DCAF5: variants seen among roughly 807,000 people sequenced by gnomAD.
The protein encoded by DCAF5 is DDB1 and CUL4 associated factor 5, also known as DDB1- and CUL4-associated factor 5.
Under a neutral mutation model 80.7 loss-of-function variants are expected in DCAF5, and 9 were observed. That is an observed-to-expected ratio of 0.11 (90% CI 0.07 to 0.19). The LOEUF (loss-of-function observed/expected upper bound fraction) is 0.19, where lower values mean the gene tolerates loss of function less well. Ranked by LOEUF, DCAF5 falls within the 10% of genes least tolerant of loss-of-function variation. The pLI, the probability that DCAF5 is intolerant of heterozygous loss-of-function variation, is 1.00. For synonymous variants in DCAF5, 433 were observed against 461.9 expected, an observed-to-expected ratio of 0.94 and a Z score of 0.80; for missense variants, 842 against 1,205.7, an observed-to-expected ratio of 0.70 and a Z score of 4.47.
chr14:69,104,468 T>C (rs2040064142), intron 5 of DCAF5, among the ~76,000 whole-genome samples: 1 of 152,138 alleles, frequency 6.6e-6, no homozygotes, highest in Non-Finnish European at 1.5e-5. Context: ...ATATGCTAAA[T>C]TACAGTAGAA....
At chr14:69,056,507 G>A (rs1362365933) in intron 8 of DCAF5, among the ~76,000 whole-genome samples, 2 of 152,214 alleles carry the variant, frequency 1.3e-5, no homozygotes, top group East Asian at 1.9e-4. Flanking sequence ...CACTGCAAAC[G>A]AGAACGATTA....
intron 5 of DCAF5, among the ~76,000 whole-genome samples, chr14:69,115,352 C>T (rs2040509025): frequency 6.6e-6 from 1 of 152,170 alleles, no homozygotes; most frequent in South Asian, 2.1e-4. Context: ...TACAATAGTT[C>T]CAACCATCTC....
intron 1 of DCAF5, chr14:69,149,544 C>A (rs1206155818): frequency 2.0e-5 from 3 of 152,180 alleles, no homozygotes; most frequent in Non-Finnish European, 4.4e-5. Context: ...ACTAATAGTA[C>A]TTTACCCAGC....
At chr14:69,112,730 ATTAT>A (rs1438775851) in intron 5 of DCAF5, among the ~76,000 whole-genome samples, 1 of 152,146 alleles carries the variant, frequency 6.6e-6, no homozygotes. Flanking sequence ...AAATGAGGTA[ATTAT>A]TCATATGATG....
chr14:69,084,391 C>G, intron 6 of DCAF5: 1 of 910,104 alleles, frequency 1.1e-6, no homozygotes, highest in South Asian at 1.3e-5. Context: ...CTGATCGTAT[C>G]TTGGATGTTG....
intron 1 of DCAF5, among the ~76,000 whole-genome samples, chr14:69,128,654 G>T (rs1595047038): frequency 6.6e-6 from 1 of 152,176 alleles, no homozygotes; most frequent in Non-Finnish European, 1.5e-5. Flanking sequence ...TGTAGTCCCA[G>T]CTACTGGGGA....
chr14:69,125,326 C>T (rs1172460506), intron 1 of DCAF5, among the ~76,000 whole-genome samples: 1 of 152,104 alleles, frequency 6.6e-6, no homozygotes, highest in African/African-American at 2.4e-5. Context: ...GCAAACTGGC[C>T]CCTGGAGTAA....
intron 6 of DCAF5, among the ~76,000 whole-genome samples, chr14:69,082,347 G>A (rs912659407): frequency 6.6e-6 from 1 of 152,224 alleles, no homozygotes; most frequent in African/African-American, 2.4e-5. Flanking sequence ...ATTTTTGCAA[G>A]TGAAGTTACA....
chr14:69,102,358 C>T (rs867120256), intron 5 of DCAF5, among the ~76,000 whole-genome samples: 1 of 152,018 alleles, frequency 6.6e-6, no homozygotes, highest in South Asian at 2.1e-4. Context: ...ATCCCTGCCT[C>T]AGCCTCCCAA....
intron 1 of DCAF5, among the ~76,000 whole-genome samples, chr14:69,139,194 A>G (rs1316988813): frequency 6.6e-6 from 1 of 151,914 alleles, no homozygotes; most frequent in Non-Finnish European, 1.5e-5. Context: ...AGAAAAAAAG[A>G]AAGACAGTCT....
intron 1 of DCAF5, among the ~76,000 whole-genome samples, chr14:69,133,116 T>C (rs1423735119): frequency 1.3e-5 from 2 of 152,204 alleles, no homozygotes; most frequent in East Asian, 1.9e-4. Flanking sequence ...GGGTCTTATA[T>C]GTAGTGGCTC....
chr14:69,152,444 G>A lies in DCAF5; in HGVS notation c.214+321C>T, dbSNP rs2041736553. 1.5e-5 allele frequency: 4 copies of A among 263,106 alleles called. No homozygotes were observed. The allele number at this position is 263,106 out of a possible 1,614,324, so 16.3% of individuals were successfully genotyped here. The stretch of plus-strand genomic sequence containing the variant: ...AAAGTACGCGGAGGAAGAGTTTGCC[G>A]TCAAACTTTGTAGAGCGGTAACCTC... On this transcript the variant is annotated intron_variant, in intron 1 of 8. Transcript: ENST00000341516. The surrounding 1 kb of genome is among the most constrained non-coding windows in gnomAD (Gnocchi z 4.1).
intron 7 of DCAF5, among the ~76,000 whole-genome samples, chr14:69,063,083 G>T (rs1239136635): frequency 6.6e-6 from 1 of 152,154 alleles, no homozygotes; most frequent in Non-Finnish European, 1.5e-5. Context: ...GGAGAACTAA[G>T]GATATAGAAA....
chr14:69,080,237 A>G (rs2039051022), intron 6 of DCAF5, among the ~76,000 whole-genome samples: 1 of 152,166 alleles, frequency 6.6e-6, no homozygotes, highest in African/African-American at 2.4e-5. Flanking sequence ...TGAAAGGATC[A>G]TCCCCTCCTG....
chr14:69,119,424 A>T (rs2040640500), intron 2 of DCAF5, among the ~76,000 whole-genome samples, 194 bp from the exon 3 acceptor site: 1 of 152,194 alleles, frequency 6.6e-6, no homozygotes, highest in African/African-American at 2.4e-5. Context: ...GAGAATTTTT[A>T]AAAAATAATG....
intron 5 of DCAF5, among the ~76,000 whole-genome samples, chr14:69,096,904 A>G (rs2039734105): frequency 6.6e-6 from 1 of 152,088 alleles, no homozygotes; most frequent in African/African-American, 2.4e-5. Context: ...GGAAGAGTTC[A>G]ATGAATAGTC....
intron 1 of DCAF5, among the ~76,000 whole-genome samples, chr14:69,133,630 T>C (rs1429950224): frequency 6.6e-6 from 1 of 152,188 alleles, no homozygotes; most frequent in Admixed American, 6.5e-5. Context: ...GAAGTAGCTA[T>C]AGGGATAACA....
intron 5 of DCAF5, among the ~76,000 whole-genome samples, chr14:69,101,069 T>C (rs1483242285): frequency 6.6e-6 from 1 of 152,236 alleles, no homozygotes; most frequent in Non-Finnish European, 1.5e-5. Flanking sequence ...CATCAACCTA[T>C]GTTACACTGG....
intron 6 of DCAF5, among the ~76,000 whole-genome samples, chr14:69,085,610 A>T (rs2039286392): frequency 6.6e-6 from 1 of 152,238 alleles, no homozygotes; most frequent in South Asian, 2.1e-4. Context: ...AGGGCAAAGT[A>T]AGGAATATCT....
Sources: gnomAD v4.1 joint callset for allele counts (sites outside exome capture counted in the v4.1 genomes callset) on GRCh38, gnomAD v4.1.1 for gene constraint, Gnocchi (gnomAD v3.1) non-coding constraint, MANE v1.5 for transcripts, NCBI Gene and HGNC (gene_info 2026-07-23, HGNC 2026-07-21) for gene names.